SASH1: variants seen among roughly 807,000 people sequenced by gnomAD.
The protein encoded by SASH1 is SAM and SH3 domain-containing protein 1.
SASH1 carries 44 observed loss-of-function variants against 125.2 expected under a neutral mutation model. That is an observed-to-expected ratio of 0.35 (90% confidence interval 0.28 to 0.45). The LOEUF (loss-of-function observed/expected upper bound fraction) is 0.45, where lower values mean the gene tolerates loss of function less well. SASH1 is among the 20% of genes least tolerant of loss of function. The probability of loss-of-function intolerance (pLI) is 1.00; values close to 1 mark genes in which losing one functional copy is unlikely to be tolerated. For missense variants in SASH1, 1,426 were observed against 1,614.5 expected (o/e 0.88, Z 2.00); for synonymous variants, 639 against 649.1 (o/e 0.98, Z 0.24).
intron 4 of SASH1, among the ~76,000 whole-genome samples, chr6:148,457,605 A>G (rs764240278): frequency 3.3e-5 from 5 of 152,214 alleles, no homozygotes; most frequent in Non-Finnish European, 7.3e-5. Context: ...GATGAGATTT[A>G]TGAATCTACT....
chr6:148,366,216 T>C (rs1311635281), intron 1 of SASH1, among the ~76,000 whole-genome samples: 6 of 151,950 alleles, frequency 3.9e-5, no homozygotes, highest in Non-Finnish European at 8.8e-5. Flanking sequence ...CCTGGGACAT[T>C]GTGGCTGCAG....
In SASH1 at chr6:148,471,411, TTTAA is replaced by T; in HGVS notation, c.428-5_428-2del. The T allele has an allele frequency of 2.5e-6, 3 of 1,224,396 alleles. No individual in the cohort carries two copies. The highest frequency in any genetic ancestry group is 3.4e-6 in the Non-Finnish European group (3 of 891,516). The allele number at this position is 1,224,396 out of a possible 1,614,324, so 75.8% of individuals were successfully genotyped here. On this transcript the variant is annotated splice_acceptor_variant and splice_polypyrimidine_tract_variant and intron_variant, in intron 5 of 19. Coordinates refer to ENST00000367467, the MANE Select transcript of SASH1 (RefSeq NM_015278.5). LOFTEE classifies it high-confidence loss of function. ...CTTTTTTTTTTTTTTTTTTTTTTTT[TTTAA>T]GGAAAAGGAGACTGGAAGAAGAAAA... is the stretch of plus-strand genomic sequence containing the variant.
At chr6:148,540,699 A>C (rs1200476986) in intron 17 of SASH1, 143 bp downstream of exon 17, 2 of 639,196 alleles carry the variant, frequency 3.1e-6, no homozygotes, top group Non-Finnish European at 5.5e-6. Context: ...TTCTAGTCCA[A>C]GTTAGCCTCC....
intron 1 of SASH1, among the ~76,000 whole-genome samples, chr6:148,313,361 C>T (rs949833690): frequency 3.9e-5 from 6 of 152,216 alleles, no homozygotes; most frequent in Non-Finnish European, 7.4e-5. Flanking sequence ...TGGGGGATGG[C>T]TCAAGAGTAG....
At chr6:148,270,626 GA>G (rs748767346), upstream of SASH1, among the ~76,000 whole-genome samples, 2 of 151,090 alleles carry the variant, frequency 1.3e-5, no homozygotes, top group South Asian at 2.1e-4. Flanking sequence ...CTCCAAAGTG[GA>G]AAAAAAAATT....
chr6:148,539,649 A>G (rs901980988), intron 16 of SASH1, among the ~76,000 whole-genome samples: 1 of 152,218 alleles, frequency 6.6e-6, no homozygotes, highest in Non-Finnish European at 1.5e-5. Context: ...ACCAGCAAGC[A>G]TGTATCTGTT....
At chr6:148,221,502 G>A in the SASH1 span, among the ~76,000 whole-genome samples, 1 of 152,166 alleles carries the variant, frequency 6.6e-6, no homozygotes, top group Non-Finnish European at 1.5e-5. Context: ...TATTTAAAGG[G>A]TTTGGGGAAC....
chr6:148,466,562 ATTC>A (rs1175498867), intron 4 of SASH1, among the ~76,000 whole-genome samples: 1 of 152,088 alleles, frequency 6.6e-6, no homozygotes, highest in Non-Finnish European at 1.5e-5. Flanking sequence ...AGGATATTCA[ATTC>A]TTCTTCCTCT....
chr6:148,400,823 C>T (rs1332247728), intron 2 of SASH1, among the ~76,000 whole-genome samples: 1 of 152,168 alleles, frequency 6.6e-6, no homozygotes, highest in Non-Finnish European at 1.5e-5. Context: ...TCTCTCGCTC[C>T]CTCTCATTAG....
At chr6:148,505,639 T>TTTTTTC (rs1403996903) in intron 8 of SASH1, among the ~76,000 whole-genome samples, 1 of 150,556 alleles carries the variant, frequency 6.6e-6, no homozygotes, top group African/African-American at 2.4e-5. Context: ...TTGTTGTTTT[T>TTTTTTC]TTTTTTCTTT....
intron 2 of SASH1, among the ~76,000 whole-genome samples, chr6:148,400,515 A>T (rs1019978046): frequency 2.0e-5 from 3 of 151,898 alleles, no homozygotes; most frequent in Non-Finnish European, 2.9e-5. Flanking sequence ...TTTGGGAGGC[A>T]GAGGCAGGTG....
intron 1 of SASH1, among the ~76,000 whole-genome samples, chr6:148,294,750 A>G (rs1017619586): frequency 2.0e-5 from 3 of 152,186 alleles, no homozygotes; most frequent in Non-Finnish European, 2.9e-5. Context: ...ACGAGAGGGG[A>G]GCAAAAATTT....
At chr6:148,388,472 A>T (rs1783571062) in intron 1 of SASH1, among the ~76,000 whole-genome samples, 1 of 152,228 alleles carries the variant, frequency 6.6e-6, no homozygotes, top group Non-Finnish European at 1.5e-5. Flanking sequence ...GTCCAGACAC[A>T]TTCAAAGATC....
At chr6:148,465,820 G>A (rs1245542525) in intron 4 of SASH1, among the ~76,000 whole-genome samples, 1 of 152,094 alleles carries the variant, frequency 6.6e-6, no homozygotes. Context: ...CAGCCAACTA[G>A]CTTGCTCTTA....
the SASH1 span, among the ~76,000 whole-genome samples, chr6:148,218,008 C>T: frequency 7.1e-6 from 1 of 141,406 alleles, no homozygotes; most frequent in Non-Finnish European, 1.5e-5. Flanking sequence ...GAATGAGACT[C>T]TGTCTCAAAA....
chr6:148,441,298 C>T (rs951283111), intron 4 of SASH1, among the ~76,000 whole-genome samples: 11 of 152,174 alleles, frequency 7.2e-5, no homozygotes, highest in African/African-American at 2.4e-4. Context: ...AATCCATCCA[C>T]GTGTGTGTGC....
intron 4 of SASH1, among the ~76,000 whole-genome samples, chr6:148,441,725 C>T (rs1776555336): frequency 1.3e-5 from 2 of 152,192 alleles, no homozygotes; most frequent in African/African-American, 2.4e-5. Flanking sequence ...AATGTTTGCT[C>T]TTCCTCCTAA....
Position 148,533,640 on chromosome 6 carries a change from T to A in SASH1, c.1735-131T>A. The A allele has an allele frequency of 1.2e-6, 1 of 808,128 alleles. No individual in the cohort carries two copies. Among genetic ancestry groups the A allele is most frequent in the East Asian group, 2.4e-5 (1 of 40,918 alleles). The allele number at this position is 808,128 out of a possible 1,614,324, so 50.1% of individuals were successfully genotyped here. A position where few individuals can be genotyped will look rare whatever the true frequency, so the allele number is the denominator to read the frequency against. ...ATCCTATGCAGGTCACTCAGAGGGG[T>A]GACTTGTGGGACCCCGATTCTGGCC... On this transcript the variant is annotated intron_variant, in intron 14 of 19. Transcript: ENST00000367467. This position sits in a 1 kb window ranked among gnomAD's most constrained non-coding sequence, Gnocchi z 6.2.
At chr6:148,524,121 A>ATATT (rs1193506716) in intron 10 of SASH1, among the ~76,000 whole-genome samples, 76 of 128,598 alleles carry the variant, frequency 5.9e-4, no homozygotes, top group Non-Finnish European at 7.6e-4. Context: ...ATATATATAT[A>ATATT]TTTTTTTTAA....
Sources: gnomAD v4.1 joint callset for allele counts (sites outside exome capture counted in the v4.1 genomes callset) on GRCh38, gnomAD v4.1.1 for gene constraint, Gnocchi (gnomAD v3.1) non-coding constraint, MANE v1.5 for transcripts, NCBI Gene and HGNC (gene_info 2026-07-23, HGNC 2026-07-21) for gene names.